PHF21B: variants seen among roughly 807,000 people sequenced by gnomAD.
PHF21B encodes PHD finger protein 21B.
In PHF21B, 22 loss-of-function variants were observed where a neutral mutation model predicts 62.2. The observed-to-expected ratio is 0.35, with a 90% CI of 0.25 to 0.51. PHF21B has a LOEUF of 0.51. PHF21B is among the 20% of genes least tolerant of loss of function. The pLI is 0.97. For synonymous variants in PHF21B, 341 were observed against 314.7 expected (o/e 1.08, Z -0.88); for missense variants, 701 against 707.9 (o/e 0.99, Z 0.11).
intron 2 of PHF21B, among the ~76,000 whole-genome samples, chr22:44,924,645 G>A (rs1380567380): frequency 3.3e-5 from 5 of 152,190 alleles, no homozygotes; most frequent in African/African-American, 1.2e-4. Flanking sequence ...GCCCTCATCA[G>A]GAACTGAATC....
At chr22:44,933,601 G>T in intron 2 of PHF21B, 1 of 933,294 alleles carries the variant, frequency 1.1e-6, no homozygotes, top group Non-Finnish European at 1.3e-6. Flanking sequence ...CGGCTACATA[G>T]AAGGGGTAAG....
chr22:44,963,875 G>A (rs1316953835), intron 2 of PHF21B, among the ~76,000 whole-genome samples: 1 of 152,226 alleles, frequency 6.6e-6, no homozygotes, highest in Non-Finnish European at 1.5e-5. Flanking sequence ...TTAATTTTGT[G>A]GACACACCTG....
At chr22:44,902,808 A>G (rs900086775) in intron 5 of PHF21B, among the ~76,000 whole-genome samples, 12 of 151,828 alleles carry the variant, frequency 7.9e-5, no homozygotes, top group African/African-American at 2.7e-4. Flanking sequence ...TCTTTCCTGT[A>G]TTTTTTGCTT....
At chr22:44,936,662 C>T (rs1442642623) in intron 2 of PHF21B, among the ~76,000 whole-genome samples, 1 of 152,138 alleles carries the variant, frequency 6.6e-6, no homozygotes, top group Non-Finnish European at 1.5e-5. Context: ...GAAATAATAT[C>T]TTGGACATAT....
chr22:44,948,454 G>A (rs753669939), intron 2 of PHF21B, among the ~76,000 whole-genome samples: 1 of 152,158 alleles, frequency 6.6e-6, no homozygotes, highest in Non-Finnish European at 1.5e-5. Flanking sequence ...GGCCGAGGCG[G>A]GCAGATCATC....
intron 2 of PHF21B, among the ~76,000 whole-genome samples, chr22:44,926,700 T>A (rs2071639148): frequency 6.6e-6 from 1 of 152,192 alleles, no homozygotes; most frequent in Non-Finnish European, 1.5e-5. Flanking sequence ...GATGTGTCCA[T>A]GTCCAAGTAC....
intron 2 of PHF21B, among the ~76,000 whole-genome samples, chr22:44,981,890 C>A (rs2072849193): frequency 6.6e-6 from 1 of 152,218 alleles, no homozygotes. Flanking sequence ...ACTATGGCAA[C>A]CCAGCTGAAG....
chr22:44,890,079 G>A (rs1201643199), intron 8 of PHF21B, among the ~76,000 whole-genome samples: 1 of 140,118 alleles, frequency 7.1e-6, no homozygotes, highest in Admixed American at 7.0e-5. Context: ...TGACACCTGG[G>A]CTCACCCCAG....
intron 2 of PHF21B, among the ~76,000 whole-genome samples, chr22:44,965,890 C>T (rs562660122): frequency 2.0e-5 from 3 of 152,312 alleles, no homozygotes; most frequent in South Asian, 4.1e-4. Flanking sequence ...ACACCCGCTA[C>T]CCCAAAGCTG....
intron 5 of PHF21B, among the ~76,000 whole-genome samples, chr22:44,908,278 G>A (rs547941407): frequency 3.1e-4 from 47 of 152,182 alleles, no homozygotes; most frequent in African/African-American, 7.2e-4. Context: ...GGGCCTCAGC[G>A]TCCCCATCTG....
intron 9 of PHF21B, 30 bp downstream of exon 9, chr22:44,889,730 A>T: frequency 1.9e-6 from 3 of 1,582,440 alleles, no homozygotes. Flanking sequence ...CCACCCCGGA[A>T]GTGTGAAGAC....
Position 45,009,592 on chromosome 22 carries a change from C to A in PHF21B, c.-43G>T. 6.6e-7 allele frequency: 1 copy of A among 1,520,182 alleles called. No individual in the cohort carries two copies. The highest frequency in any genetic ancestry group is 8.7e-7 in the Non-Finnish European group (1 of 1,145,806). The allele number at this position is 1,520,182 out of a possible 1,614,324, so 94.2% of individuals were successfully genotyped here. On this transcript the variant is annotated 5_prime_UTR_variant, in exon 1 of 13. Transcript: ENST00000313237. The surrounding 1 kb of genome is among the most constrained non-coding windows in gnomAD (Gnocchi z 5.9). The stretch of plus-strand genomic sequence containing the variant: ...CACTTTGCGCTCACTTTGGCCCGGG[C>A]TCCCGGGAAGTTGCGCGGCTCCGCG...
At chr22:44,923,747 G>A (rs1416920997) in intron 2 of PHF21B, among the ~76,000 whole-genome samples, 1 of 152,142 alleles carries the variant, frequency 6.6e-6, no homozygotes, top group Non-Finnish European at 1.5e-5. Context: ...GCCAGGCACA[G>A]TGCCTCATGC....
intron 2 of PHF21B, among the ~76,000 whole-genome samples, chr22:44,978,766 T>C (rs1888572141): frequency 6.6e-6 from 1 of 152,172 alleles, no homozygotes; most frequent in Non-Finnish European, 1.5e-5. Flanking sequence ...ATCTCCTGGC[T>C]CCCGTAGGAG....
At chr22:44,954,297 C>A (rs556244815) in intron 2 of PHF21B, among the ~76,000 whole-genome samples, 37 of 152,272 alleles carry the variant, frequency 2.4e-4, no homozygotes, top group Non-Finnish European at 4.4e-4. Flanking sequence ...ACATCACTCC[C>A]TCCCTCTTTG....
intron 5 of PHF21B, among the ~76,000 whole-genome samples, chr22:44,896,882 T>TTTTTTTTTGTTTG (rs982894660): frequency 4.1e-5 from 5 of 120,618 alleles, no homozygotes; most frequent in Admixed American, 1.8e-4. Flanking sequence ...TTTTATCTGT[T>TTTTTTTTTGTTTG]TTTTTTTTTT....
chr22:44,891,436 G>A (rs747358382), intron 7 of PHF21B, 76 bp from the exon 8 acceptor site: 35 of 1,542,594 alleles, frequency 2.3e-5, no homozygotes, highest in Non-Finnish European at 3.0e-5. Context: ...CCCCAGGTCA[G>A]GACTCTCTCT....
chr22:44,885,628 G>T, intron 11 of PHF21B, 99 bp from the exon 12 acceptor site: 2 of 1,237,370 alleles, frequency 1.6e-6, no homozygotes, highest in Non-Finnish European at 2.2e-6. Flanking sequence ...CCAAGGCCTA[G>T]GACATCCCCC....
At chr22:44,890,921 G>A (rs75978918) in intron 8 of PHF21B, among the ~76,000 whole-genome samples, 2,979 of 152,364 alleles carry the variant, frequency 0.02, 113 homozygotes, top group African/African-American at 0.069. Flanking sequence ...AAGAGGGTGG[G>A]CAAGGTGTGG....
Sources: allele counts gnomAD v4.1 joint callset (sites outside exome capture counted in the v4.1 genomes callset), GRCh38; gene constraint gnomAD v4.1.1; non-coding constraint Gnocchi (gnomAD v3.1); transcripts MANE v1.5; gene names NCBI Gene and HGNC (gene_info 2026-07-23, HGNC 2026-07-21).